The following PRAC2 variants were observed in gnomAD, a reference collection of about 807,000 sequenced individuals.
The protein encoded by PRAC2 is PRAC2 small nuclear protein.
For missense variants in PRAC2, 92 were observed against 114.5 expected (o/e 0.80, Z 0.90); for synonymous variants, 43 against 49.5 (o/e 0.87, Z 0.55).
upstream of PRAC2, chr17:48,722,487 C>G: frequency 1.9e-6 from 2 of 1,027,844 alleles, no homozygotes; most frequent in Non-Finnish European, 3.1e-6. Context: ...CAGTGGCGCT[C>G]TGTTTGCACG....
chr17:48,723,813 C>A, intron 1 of PRAC2: 14 of 1,204,434 alleles, frequency 1.2e-5, no homozygotes, highest in Non-Finnish European at 1.5e-5. Context: ...TATTCGGCTT[C>A]TGGAGGCCTA....
chr17:48,719,379 G>A (rs1038812060), upstream of PRAC2, among the ~76,000 whole-genome samples: 1 of 152,192 alleles, frequency 6.6e-6, no homozygotes, highest in African/African-American at 2.4e-5. Context: ...CACCGAGTAG[G>A]GAGACGCCCC....
rs1365306712 is a variant in PRAC2, at chr17:48,724,525, G to A, written c.115G>A (p.Ala39Thr). 4 of 1,233,160 alleles carry A rather than the reference G, an allele frequency of 3.2e-6. No homozygotes were observed. In the South Asian group the frequency reaches 1.2e-4, roughly 38 times the overall value. 76.4% of individuals were successfully genotyped at this position (1,233,160 alleles called of 1,614,324 possible). A position where few individuals can be genotyped will look rare whatever the true frequency, so the allele number is the denominator to read the frequency against. The change falls in exon 2 of 2, where the codon GCT (alanine) becomes ACT (threonine). Residue 39 changes from alanine to threonine, a missense_variant. Physicochemically the swap from Ala to Thr is moderately conservative, Grantham distance 58. Coordinates refer to ENST00000422730, the MANE Select transcript of PRAC2 (RefSeq NM_001282275.2). ...TGCCTTCTTCCTGGGTCTCTCGGGG[G>A]CTGGACCAATACATCTGCCGATGCC... is the stretch of plus-strand genomic sequence containing the variant. ...LLAFFLGLSG[A>T]GPIHLPMPWP...
upstream of PRAC2, chr17:48,723,072 AGGCTGGCATC>A (rs1567699539): frequency 6.6e-6 from 1 of 152,272 alleles, no homozygotes; most frequent in Non-Finnish European, 1.5e-5. Context: ...AGAGGAAGAA[AGGCTGGCATC>A]GGTTCCTCAT....
chr17:48,720,423 C>G (rs1038157699), upstream of PRAC2, among the ~76,000 whole-genome samples: 1 of 152,210 alleles, frequency 6.6e-6, no homozygotes, highest in Non-Finnish European at 1.5e-5. Context: ...TTCCAAGCAT[C>G]TTCTCCAGGG....
chr17:48,721,174 G>C (rs188737845), upstream of PRAC2, among the ~76,000 whole-genome samples: 1 of 152,246 alleles, frequency 6.6e-6, no homozygotes, highest in Non-Finnish European at 1.5e-5. Context: ...GTGAGCATGT[G>C]GTCCCCAGCC....
chr17:48,721,795 C>A (rs1018888489), upstream of PRAC2: 3 of 1,536,562 alleles, frequency 2.0e-6, no homozygotes, highest in Admixed American at 6.0e-5. Context: ...TCTGGAACTC[C>A]TGTGCTCAAG....
At chr17:48,719,640 T>G (rs2038126571), upstream of PRAC2, among the ~76,000 whole-genome samples, 1 of 152,202 alleles carries the variant, frequency 6.6e-6, no homozygotes, top group African/African-American at 2.4e-5. Context: ...TCCTGATTAT[T>G]AAAATAAATT....
chr17:48,718,749 C>T (rs2038118481), upstream of PRAC2, among the ~76,000 whole-genome samples: 1 of 152,156 alleles, frequency 6.6e-6, no homozygotes, highest in Non-Finnish European at 1.5e-5. Flanking sequence ...CCGCGAAGGC[C>T]TGGGGATCGC....
upstream of PRAC2, among the ~76,000 whole-genome samples, chr17:48,720,577 G>A (rs12946221): frequency 2.3e-3 from 350 of 152,326 alleles, 2 homozygotes; most frequent in African/African-American, 7.4e-3. Context: ...TGGGGAAGCT[G>A]CAGACCCAAG....
At chr17:48,720,820 G>T (rs1454229222), upstream of PRAC2, among the ~76,000 whole-genome samples, 1 of 152,204 alleles carries the variant, frequency 6.6e-6, no homozygotes, top group Non-Finnish European at 1.5e-5. Flanking sequence ...TCAGCTGGGT[G>T]ACTCCGGATG....
intron 1 of PRAC2, 111 bp downstream of exon 1, chr17:48,723,424 T>G (rs915602560): frequency 9.1e-6 from 3 of 331,330 alleles, no homozygotes; most frequent in African/African-American, 6.4e-5. Context: ...CCAATTAGAG[T>G]GCAGCACTTA....
At chr17:48,721,716 C>A, upstream of PRAC2, 1 of 1,248,094 alleles carries the variant, frequency 8.0e-7, no homozygotes, top group Non-Finnish European at 1.0e-6. Flanking sequence ...AACTTTCACC[C>A]AGTTTCCTTT....
chr17:48,720,351 C>T (rs1199437476), upstream of PRAC2, among the ~76,000 whole-genome samples: 1 of 152,222 alleles, frequency 6.6e-6, no homozygotes, highest in African/African-American at 2.4e-5. Context: ...TTCTATCCAC[C>T]GCGACCTGCA....
At chr17:48,719,850 GC>G (rs749979687), upstream of PRAC2, among the ~76,000 whole-genome samples, 8 of 152,128 alleles carry the variant, frequency 5.3e-5, no homozygotes, top group Non-Finnish European at 8.8e-5. Context: ...GCCGCGCGAG[GC>G]CCGGTTTCTC....
In PRAC2 at chr17:48,724,426, A is replaced by G; in HGVS notation, c.16A>G (p.Met6Val). The G allele has an allele frequency of 8.1e-7, 1 of 1,234,350 alleles. No homozygotes were observed. Among genetic ancestry groups the G allele is most frequent in the Non-Finnish European group, 1.0e-6 (1 of 988,148 alleles). 76.5% of individuals were successfully genotyped at this position (1,234,350 alleles called of 1,614,324 possible). ...TAAAGAAGACATGGACAGAAGGCGGATGGCTCTGCGGCCTGGCTCCCGCAG... is the reference window on the plus strand; with the variant it reads ...TAAAGAAGACATGGACAGAAGGCGGGTGGCTCTGCGGCCTGGCTCCCGCAG... MDRRR[M>V]ALRPGSRRPT... Residue 6 changes from methionine (M) to valine (V), a missense_variant, in exon 2 of 2, where the codon ATG becomes GTG. Physicochemically the swap from Met to Val is conservative, Grantham distance 21 (BLOSUM62 1). Transcript: ENST00000422730.
upstream of PRAC2, chr17:48,721,668 A>T: frequency 1.1e-6 from 1 of 888,352 alleles, no homozygotes; most frequent in Non-Finnish European, 1.6e-6. Context: ...CTTAAGGATG[A>T]GTTAGTTTAA....
intron 1 of PRAC2, chr17:48,723,867 GA>G (rs2143051281): frequency 1.0e-6 from 1 of 957,050 alleles, no homozygotes; most frequent in East Asian, 3.3e-5. Context: ...TTCGGGCCTG[GA>G]GCCCGCGTAG....
chr17:48,722,337 C>T, upstream of PRAC2: 4 of 1,614,104 alleles, frequency 2.5e-6, no homozygotes, highest in Non-Finnish European at 3.4e-6. Flanking sequence ...GAGAAAAGCA[C>T]TCTTGGAGGT....
Sources: gnomAD v4.1 joint callset for allele counts (sites outside exome capture counted in the v4.1 genomes callset) on GRCh38, gnomAD v4.1.1 for gene constraint, MANE v1.5 for transcripts, NCBI Gene and HGNC (gene_info 2026-07-23, HGNC 2026-07-21) for gene names.